The following IFIH1 variants were observed in gnomAD, a reference collection of about 807,000 sequenced individuals.
IFIH1 encodes interferon induced with helicase C domain 1.
Under a neutral mutation model 107.4 loss-of-function variants are expected in IFIH1, and 125 were observed. The ratio of observed to expected loss-of-function variants is 1.16; its 90% CI spans 1.01 to 1.35. IFIH1 has a LOEUF of 1.35. Ranked by LOEUF, IFIH1 falls within the 40% of genes most tolerant of loss-of-function variation. The pLI is 0.00. For synonymous variants in IFIH1, 458 were observed against 413.2 expected (o/e 1.11, Z -1.31); for missense variants, 1,333 against 1,213.7 (o/e 1.10, Z -1.46).
chr2:162,281,423 G>A lies in IFIH1; in HGVS notation c.1429C>T (p.Pro477Ser), dbSNP rs1416059394. The change falls in exon 7 of 16, where the codon CCA becomes TCA. Residue 477 changes from proline (P) to serine (S), a missense_variant. Physicochemically the swap from Pro to Ser is moderately conservative, Grantham distance 74. Transcript: ENST00000649979. The part of the protein sequence containing the change: ...KNNRLKKENK[P>S]VIPLPQILGL... ...AGTATCTGAGGAAGGGGAATCACTG[G>A]TTTGTTTTCTTTCTTGAGTCTATTG... 1.2e-6 allele frequency: 2 copies of A among 1,612,572 alleles called. No homozygotes were observed. The highest frequency in any genetic ancestry group is 1.3e-5 in the African/African-American group (1 of 74,790).
At chr2:162,314,362 C>T (rs2105233438) in intron 1 of IFIH1, among the ~76,000 whole-genome samples, 1 of 141,360 alleles carries the variant, frequency 7.1e-6, no homozygotes, top group South Asian at 2.2e-4. Flanking sequence ...TTCCTTTCTT[C>T]CTTCCTTCCC....
At chr2:162,277,855 C>A (rs1188138494) in intron 9 of IFIH1, among the ~76,000 whole-genome samples, 162 bp from the exon 10 acceptor site, 1 of 152,112 alleles carries the variant, frequency 6.6e-6, no homozygotes, top group Non-Finnish European at 1.5e-5. Context: ...TGAAACAGGG[C>A]AAGTTTTCCA....
intron 3 of IFIH1, among the ~76,000 whole-genome samples, chr2:162,297,249 A>G (rs1683107456): frequency 6.6e-6 from 1 of 152,138 alleles, no homozygotes; most frequent in Admixed American, 6.6e-5. Flanking sequence ...AATTTCTGAA[A>G]TTGATTTATT....
chr2:162,267,365 C>A lies in IFIH1; in HGVS notation c.2913G>T (p.Met971Ile). Residue 971 changes from methionine (M) to isoleucine (I), a missense_variant, in exon 16 of 16, where the codon ATG becomes ATT. Met to Ile is a conservative substitution (Grantham distance 10). Coordinates refer to ENST00000649979, the MANE Select transcript of IFIH1 (RefSeq NM_022168.4). ...GCAAATCTAAGCCTTTGTGCACCAT[C>A]ATTGTTCCCCAAGCCTGGAAAACAA... is the stretch of plus-strand genomic sequence containing the variant. Reference protein sequence around the residue: ...ICKCGQAWGTMMVHKGLDLPC... With the variant: ...ICKCGQAWGTIMVHKGLDLPC... 6 of 1,613,916 alleles carry A rather than the reference C, an allele frequency of 3.7e-6. No individual in the cohort carries two copies. The highest frequency in any genetic ancestry group is 5.1e-6 in the Non-Finnish European group (6 of 1,179,946).
intron 1 of IFIH1, among the ~76,000 whole-genome samples, chr2:162,314,828 A>T (rs1424743177): frequency 2.6e-5 from 4 of 152,066 alleles, no homozygotes; most frequent in Non-Finnish European, 2.9e-5. Context: ...TAACACTACA[A>T]CACAACTTCA....
chr2:162,268,043 C>A, intron 14 of IFIH1, 44 bp downstream of exon 14: 1 of 1,383,248 alleles, frequency 7.2e-7, no homozygotes, highest in South Asian at 1.4e-5. Context: ...CAACCTGCTT[C>A]ACCCCTTGTG....
In IFIH1 at chr2:162,306,751, T is replaced by A. The variant is rs1179255414; in HGVS notation, c.727A>T (p.Asn243Tyr). ...TCTGCAAAAGATGATTCTGATGAGTTATTCTCCATGCCCCAGACCTCCTTC... is the reference window on the plus strand; with the variant it reads ...TCTGCAAAAGATGATTCTGATGAGTAATTCTCCATGCCCCAGACCTCCTTC... Reference protein sequence around the residue: ...LEKEVWGMENNSSESSFADSS... With the variant: ...LEKEVWGMENYSSESSFADSS... The change falls in exon 3 of 16, where the codon AAC becomes TAC. Residue 243 changes from asparagine (N) to tyrosine (Y), a missense_variant. Coordinates refer to ENST00000649979, the MANE Select transcript of IFIH1 (RefSeq NM_022168.4). The A allele has an allele frequency of 1.2e-6, 2 of 1,613,838 alleles. No homozygotes were observed. The highest frequency in any genetic ancestry group is 1.7e-6 in the Non-Finnish European group (2 of 1,179,896).
intron 3 of IFIH1, among the ~76,000 whole-genome samples, chr2:162,302,232 C>T (rs1021459054): frequency 2.0e-5 from 3 of 152,138 alleles, no homozygotes; most frequent in African/African-American, 7.2e-5. Context: ...CACACACACA[C>T]ACATAATCTT....
chr2:162,298,925 T>C (rs1683144941), intron 3 of IFIH1, among the ~76,000 whole-genome samples: 1 of 152,100 alleles, frequency 6.6e-6, no homozygotes, highest in Admixed American at 6.6e-5. Flanking sequence ...TCCAAGCTTC[T>C]AGGAAATGAG....
Position 162,304,490 on chromosome 2 carries a change from A to C in IFIH1, c.769+2219T>G, listed in dbSNP as rs77985881. Reference sequence around the variant, plus strand: ...GTCCCCGCCTGCCCCCAGAACCCCCAAAAAAAGAAAAAGAGAAAAATCCAC... The same window carrying C: ...GTCCCCGCCTGCCCCCAGAACCCCCCAAAAAAGAAAAAGAGAAAAATCCAC... On this transcript the variant is annotated intron_variant, in intron 3 of 15. Transcript: ENST00000649979. Among the ~76,000 whole-genome samples the C allele has an allele frequency of 4.4e-3, 675 of 152,180 alleles. 28 individuals carry two copies. In the East Asian group the frequency reaches 0.11, roughly 24 times the overall value.
intron 4 of IFIH1, among the ~76,000 whole-genome samples, chr2:162,292,352 T>C (rs562309404): frequency 6.6e-6 from 1 of 151,996 alleles, no homozygotes; most frequent in Non-Finnish European, 1.5e-5. Flanking sequence ...AAACACTGAC[T>C]GAATTGAACA....
At chr2:162,294,424 CACTT>C (rs1683049541) in intron 3 of IFIH1, among the ~76,000 whole-genome samples, 1 of 151,912 alleles carries the variant, frequency 6.6e-6, no homozygotes, top group Admixed American at 6.6e-5. Context: ...TATTTCCAAA[CACTT>C]ACACAACCTC....
At position 162,273,995 on chromosome 2, in the gene IFIH1, ATCT is replaced by A. The variant is rs1323649312; in HGVS notation, c.2305-54_2305-52del. 3.2e-6 allele frequency: 4 copies of A among 1,242,130 alleles called. No individual in the cohort carries two copies. The South Asian group carries it at 4.1e-5, about 13-fold the overall frequency. The allele number at this position is 1,242,130 out of a possible 1,614,324, so 76.9% of individuals were successfully genotyped here. On this transcript the variant is annotated intron_variant, in intron 11 of 15. Transcript: ENST00000649979. ...ATTTTGTGATGCTAAACACATTAAAATCTTCTAATTAGAGGAAGAAATAATAAA... is the reference window on the plus strand; with the variant it reads ...ATTTTGTGATGCTAAACACATTAAAATCTAATTAGAGGAAGAAATAATAAA...
At chr2:162,317,507 G>A (rs1683521173) in intron 1 of IFIH1, among the ~76,000 whole-genome samples, 1 of 152,134 alleles carries the variant, frequency 6.6e-6, no homozygotes, top group Non-Finnish European at 1.5e-5. Context: ...GTAAAATGGA[G>A]TTAATAACAT....
intron 5 of IFIH1, among the ~76,000 whole-genome samples, chr2:162,287,074 C>A (rs1394890810): frequency 6.6e-6 from 1 of 151,742 alleles, no homozygotes; most frequent in Admixed American, 6.6e-5. Flanking sequence ...GAATGTGTCA[C>A]CATTACCAGC....
chr2:162,274,079 C>A (rs2287290), intron 11 of IFIH1, 135 bp from the exon 12 acceptor site: 5 of 575,156 alleles, frequency 8.7e-6, no homozygotes, highest in South Asian at 2.9e-5. Flanking sequence ...TTGTTGCCAT[C>A]TGTTTTTGGC....
chr2:162,280,204 G>A, intron 7 of IFIH1, 92 bp from the exon 8 acceptor site: 1 of 719,084 alleles, frequency 1.4e-6, no homozygotes, highest in Non-Finnish European at 2.4e-6. Context: ...AAAATATGTA[G>A]CATTAAATTG....
intron 11 of IFIH1, 95 bp downstream of exon 11, chr2:162,276,592 G>A (rs1261477638): frequency 3.7e-6 from 5 of 1,353,906 alleles, no homozygotes; most frequent in Admixed American, 4.5e-5. Flanking sequence ...GTGACAGAGC[G>A]AGGCCTCGTC....
chr2:162,302,047 G>A (rs114217274), intron 3 of IFIH1, among the ~76,000 whole-genome samples: 9 of 152,048 alleles, frequency 5.9e-5, no homozygotes, highest in Admixed American at 2.0e-4. Context: ...ATATCAACCC[G>A]CAAGTTTGGA....
Sources: allele counts gnomAD v4.1 joint callset (sites outside exome capture counted in the v4.1 genomes callset), GRCh38; gene constraint gnomAD v4.1.1; transcripts MANE v1.5; gene names NCBI Gene and HGNC (gene_info 2026-07-23, HGNC 2026-07-21).